HSD17B12: variants seen among roughly 807,000 people sequenced by gnomAD.
The protein encoded by HSD17B12 is hydroxysteroid 17-beta dehydrogenase 12.
A neutral mutation model predicts 39.3 loss-of-function variants in HSD17B12; 32 were observed. The observed-to-expected ratio is 0.81, with a 90% confidence interval of 0.61 to 1.09. The LOEUF is 1.09. Ranked by LOEUF, HSD17B12 falls within the 50% of genes least tolerant of loss-of-function variation. The pLI, the probability that HSD17B12 is intolerant of heterozygous loss-of-function variation, is 0.00. For synonymous variants in HSD17B12, 150 were observed against 146.7 expected, an observed-to-expected ratio of 1.02 and a Z score of -0.16; for missense variants, 342 against 382.9, an observed-to-expected ratio of 0.89 and a Z score of 0.89.
At chr11:43,851,916 G>A (rs1951535536) in intron 9 of HSD17B12, 2 of 152,078 alleles carry the variant, frequency 1.3e-5, no homozygotes, top group African/African-American at 4.8e-5. Context: ...AAAACATCAT[G>A]CTCTTCTGTG....
chr11:43,590,807 CTTTTTTTTTTTT>C, the HSD17B12 span, among the ~76,000 whole-genome samples: 9 of 125,468 alleles, frequency 7.2e-5, no homozygotes, highest in Non-Finnish European at 1.3e-4. Context: ...CCCAGCTCGA[CTTTTTTTTTTTT>C]TTTTTTTTTT....
intron 9 of HSD17B12, among the ~76,000 whole-genome samples, chr11:43,851,682 T>C (rs892732436): frequency 1.3e-5 from 2 of 152,190 alleles, no homozygotes; most frequent in African/African-American, 4.8e-5. Context: ...GAAGTGTCTT[T>C]CACCAATTCA....
At chr11:43,817,214 G>A (rs556351614) in intron 6 of HSD17B12, among the ~76,000 whole-genome samples, 1 of 151,928 alleles carries the variant, frequency 6.6e-6, no homozygotes, top group East Asian at 1.9e-4. Context: ...TTGCTAATTT[G>A]TTTGAGTTCA....
intron 6 of HSD17B12, among the ~76,000 whole-genome samples, chr11:43,821,337 C>T (rs956531449): frequency 1.3e-5 from 2 of 152,140 alleles, no homozygotes; most frequent in Non-Finnish European, 2.9e-5. Context: ...TCCCTGCCTG[C>T]ATACAGTTAA....
chr11:43,824,772 G>A (rs943749341), intron 6 of HSD17B12, among the ~76,000 whole-genome samples: 29 of 152,176 alleles, frequency 1.9e-4, no homozygotes, highest in Non-Finnish European at 3.2e-4. Flanking sequence ...GAGATGGGTG[G>A]ATCACTTGAG....
At chr11:43,713,535 A>G (rs1950090522) in intron 1 of HSD17B12, among the ~76,000 whole-genome samples, 1 of 151,870 alleles carries the variant, frequency 6.6e-6, no homozygotes, top group Non-Finnish European at 1.5e-5. Flanking sequence ...TCATTGTTGG[A>G]CATTTGGCTT....
the HSD17B12 span, among the ~76,000 whole-genome samples, chr11:43,607,617 TC>T: frequency 6.6e-6 from 1 of 152,164 alleles, no homozygotes; most frequent in East Asian, 1.9e-4. Flanking sequence ...TATACCCACT[TC>T]ACAGATGAGG....
chr11:43,811,765 ATTG>A (rs1431492718), intron 4 of HSD17B12, among the ~76,000 whole-genome samples: 1 of 152,142 alleles, frequency 6.6e-6, no homozygotes, highest in African/African-American at 2.4e-5. Flanking sequence ...TATACAATAC[ATTG>A]TTGTTAACTA....
At chr11:43,773,659 C>T (rs1397267161) in intron 3 of HSD17B12, among the ~76,000 whole-genome samples, 1 of 152,168 alleles carries the variant, frequency 6.6e-6, no homozygotes, top group Non-Finnish European at 1.5e-5. Flanking sequence ...ATAAAATTCC[C>T]ACATCAGAGT....
the HSD17B12 span, among the ~76,000 whole-genome samples, chr11:43,580,633 G>A: frequency 6.6e-6 from 1 of 151,896 alleles, no homozygotes; most frequent in Non-Finnish European, 1.5e-5. Context: ...GGGTCCCGTT[G>A]GGAGAGGTCG....
At chr11:43,753,869 A>G (rs543320332) in intron 2 of HSD17B12, among the ~76,000 whole-genome samples, 177 bp from the exon 3 acceptor site, 2 of 152,294 alleles carry the variant, frequency 1.3e-5, no homozygotes, top group East Asian at 3.9e-4. Context: ...GCTTAGAAAG[A>G]TAACTTTTTG....
chr11:43,670,034 A>G, the HSD17B12 span, among the ~76,000 whole-genome samples: 24,959 of 152,204 alleles, frequency 0.16, 2,462 homozygotes, highest in Middle Eastern at 0.27. Context: ...GCTGAAAGAG[A>G]AGTTGAACTG....
At chr11:43,731,027 C>T (rs1158201625) in intron 1 of HSD17B12, among the ~76,000 whole-genome samples, 1 of 151,678 alleles carries the variant, frequency 6.6e-6, no homozygotes, top group Non-Finnish European at 1.5e-5. Flanking sequence ...GACAGAGTTT[C>T]ACTCTGTCAC....
intron 1 of HSD17B12, among the ~76,000 whole-genome samples, chr11:43,702,100 T>A (rs955290430): frequency 6.6e-6 from 1 of 152,208 alleles, no homozygotes; most frequent in Non-Finnish European, 1.5e-5. Flanking sequence ...TAAAGGGGAT[T>A]ACTTTTTAAT....
chr11:43,583,937 C>T, the HSD17B12 span, among the ~76,000 whole-genome samples: 4 of 152,244 alleles, frequency 2.6e-5, no homozygotes, highest in South Asian at 6.2e-4. Flanking sequence ...ACTAGCTTAA[C>T]TTTGCCTATG....
chr11:43,682,790 CTT>C (rs11425876), intron 1 of HSD17B12, among the ~76,000 whole-genome samples: 2 of 147,128 alleles, frequency 1.4e-5, no homozygotes, highest in Non-Finnish European at 1.5e-5. Flanking sequence ...CTTTTCTTTT[CTT>C]TTTTTTTTTG....
At chr11:43,774,422 C>T (rs1028045544) in intron 3 of HSD17B12, among the ~76,000 whole-genome samples, 8 of 151,996 alleles carry the variant, frequency 5.3e-5, no homozygotes, top group Non-Finnish European at 1.5e-5. Context: ...ACCATGTTGG[C>T]CAGGATGGTC....
the HSD17B12 span, chr11:43,579,499 C>G: frequency 6.6e-6 from 1 of 152,256 alleles, no homozygotes. Context: ...GGCGCGCTCC[C>G]GTGGCCCCCA....
At chr11:43,746,914 CATT>C (rs919402679) in intron 1 of HSD17B12, among the ~76,000 whole-genome samples, 23 of 152,188 alleles carry the variant, frequency 1.5e-4, no homozygotes, top group African/African-American at 5.6e-4. Flanking sequence ...TTGACCAAAA[CATT>C]GTTATGCAGC....
Sources: allele counts gnomAD v4.1 joint callset (sites outside exome capture counted in the v4.1 genomes callset), GRCh38; gene constraint gnomAD v4.1.1; transcripts MANE v1.5; gene names NCBI Gene and HGNC (gene_info 2026-07-23, HGNC 2026-07-21).